The following RAD51B variants were observed in gnomAD, a reference collection of about 807,000 sequenced individuals.
RAD51B encodes RAD51 paralog B, also known as DNA repair protein RAD51 homolog 2.
In RAD51B, 38 loss-of-function variants were observed where a neutral mutation model predicts 42.2. The ratio of observed to expected loss-of-function variants is 0.90; its 90% confidence interval spans 0.70 to 1.18. The LOEUF is 1.18. RAD51B is among the 50% of genes most tolerant of loss of function. RAD51B has a pLI of 0.00. For missense variants in RAD51B, 373 were observed against 400.7 expected (o/e 0.93, Z 0.59); for synonymous variants, 154 against 145.2 (o/e 1.06, Z -0.43).
chr14:68,118,026 A>G (rs1469484939), intron 7 of RAD51B, among the ~76,000 whole-genome samples: 2 of 152,226 alleles, frequency 1.3e-5, no homozygotes, highest in Non-Finnish European at 2.9e-5. Context: ...CCTTTTCACT[A>G]ACCTTTGTTC....
intron 7 of RAD51B, among the ~76,000 whole-genome samples, chr14:68,155,438 C>T (rs181400989): frequency 6.6e-5 from 10 of 152,144 alleles, no homozygotes; most frequent in African/African-American, 1.9e-4. Flanking sequence ...ATGATCCACC[C>T]GCCTCGGCCT....
At chr14:68,076,874 G>A (rs2076841821) in intron 7 of RAD51B, among the ~76,000 whole-genome samples, 1 of 152,072 alleles carries the variant, frequency 6.6e-6, no homozygotes, top group Admixed American at 6.6e-5. Context: ...ATATAGATAG[G>A]CCTTAAAAAA....
At chr14:67,962,894 G>A (rs988636155) in intron 7 of RAD51B, among the ~76,000 whole-genome samples, 4 of 152,078 alleles carry the variant, frequency 2.6e-5, no homozygotes, top group African/African-American at 4.8e-5. Flanking sequence ...AGGGAAATGG[G>A]AATGAGAGAT....
chr14:68,023,195 T>C (rs1307023035), intron 7 of RAD51B, among the ~76,000 whole-genome samples: 1 of 152,210 alleles, frequency 6.6e-6, no homozygotes, highest in Non-Finnish European at 1.5e-5. Context: ...ACTGGGCCAA[T>C]TGACAGCTCT....
At chr14:68,204,786 C>G (rs1283957838) in intron 7 of RAD51B, among the ~76,000 whole-genome samples, 3 of 152,006 alleles carry the variant, frequency 2.0e-5, no homozygotes, top group Non-Finnish European at 2.9e-5. Context: ...TATTTGTGCT[C>G]TTTATAAGAA....
intron 8 of RAD51B, among the ~76,000 whole-genome samples, chr14:68,366,663 A>G (rs187612517): frequency 5.3e-4 from 81 of 152,328 alleles, no homozygotes; most frequent in African/African-American, 1.9e-3. Flanking sequence ...GGTAACCAAA[A>G]ATGTTGAATA....
chr14:68,353,869 T>A (rs1390106874), intron 8 of RAD51B, among the ~76,000 whole-genome samples: 5 of 152,216 alleles, frequency 3.3e-5, no homozygotes, highest in African/African-American at 1.2e-4. Flanking sequence ...TTAGAAGTAT[T>A]CTGAGCAGTT....
In RAD51B at chr14:68,381,284, A is replaced by G. The variant is rs34767995; in HGVS notation, c.854-30140A>G. Among the ~76,000 whole-genome samples the G allele has an allele frequency of 4.3e-3, 660 of 152,232 alleles. 5 individuals are homozygous for G. The highest frequency in any genetic ancestry group is 0.015 in the African/African-American group (640 of 41,536). On this transcript the variant is annotated intron_variant, in intron 8 of 10. Transcript: ENST00000471583. ...TTTACTGGGAAATACTTTTTTACCT[A>G]TTTCTTAGAAGAATTTACTTATGTG...
At chr14:68,601,081 A>C (rs1891197805) in intron 10 of RAD51B, among the ~76,000 whole-genome samples, 1 of 152,192 alleles carries the variant, frequency 6.6e-6, no homozygotes, top group African/African-American at 2.4e-5. Context: ...AAGCTGCTTA[A>C]GTTCCCATGT....
chr14:68,651,065 C>T (rs1414589286), intron 11 of RAD51B, among the ~76,000 whole-genome samples: 1 of 152,206 alleles, frequency 6.6e-6, no homozygotes, highest in Admixed American at 6.5e-5. Flanking sequence ...CTAAGTAGAA[C>T]AGAAATGTGA....
At chr14:68,180,178 CT>C (rs1188453263) in intron 7 of RAD51B, among the ~76,000 whole-genome samples, 1 of 152,200 alleles carries the variant, frequency 6.6e-6, no homozygotes, top group Non-Finnish European at 1.5e-5. Context: ...AATACCCCAA[CT>C]TTGAATGGAT....
chr14:68,174,275 A>G (rs1244776444), intron 7 of RAD51B, among the ~76,000 whole-genome samples: 2 of 151,834 alleles, frequency 1.3e-5, no homozygotes, highest in Non-Finnish European at 2.9e-5. Flanking sequence ...AGTGCCAGCT[A>G]CTCAGGTGGG....
chr14:68,665,621 T>C (rs1476545049), intron 11 of RAD51B, among the ~76,000 whole-genome samples: 1 of 152,210 alleles, frequency 6.6e-6, no homozygotes, highest in Non-Finnish European at 1.5e-5. Flanking sequence ...GCAGTGGTGA[T>C]TATACCAAAC....
At chr14:67,841,318 A>G (rs1323461239) in intron 4 of RAD51B, among the ~76,000 whole-genome samples, 1 of 152,126 alleles carries the variant, frequency 6.6e-6, no homozygotes, top group African/African-American at 2.4e-5. Context: ...TAGAATCTGG[A>G]TATTAGACCT....
In RAD51B at chr14:68,478,022, G is replaced by C; in HGVS notation, c.*358G>C. 1.8e-6 allele frequency: 2 copies of C among 1,092,532 alleles called. No individual in the cohort carries two copies. The highest frequency in any genetic ancestry group is 8.8e-5 in the South Asian group (2 of 22,602). The allele number at this position is 1,092,532 out of a possible 1,614,324, so 67.7% of individuals were successfully genotyped here. ...TTAAAGCCCACAATCCTCCTGGGGAGAGGAGGAGGATGACTAACAAGATTT... is the reference window on the plus strand; with the variant it reads ...TTAAAGCCCACAATCCTCCTGGGGACAGGAGGAGGATGACTAACAAGATTT... On this transcript the variant is annotated 3_prime_UTR_variant, in exon 11 of 11. Coordinates refer to ENST00000471583, the MANE Select transcript of RAD51B (RefSeq NM_133510.4).
At chr14:68,137,116 A>G (rs1453339292) in intron 7 of RAD51B, among the ~76,000 whole-genome samples, 2 of 152,166 alleles carry the variant, frequency 1.3e-5, no homozygotes, top group Non-Finnish European at 2.9e-5. Flanking sequence ...CCTCTACTAA[A>G]AATACAAAAA....
chr14:68,057,500 T>G (rs958414088), intron 7 of RAD51B, among the ~76,000 whole-genome samples: 35 of 152,100 alleles, frequency 2.3e-4, no homozygotes, highest in African/African-American at 7.5e-4. Context: ...GAGGTAGGAT[T>G]TGAAAACAGG....
In RAD51B at chr14:67,896,477, G is replaced by A. The variant is rs947062960; in HGVS notation, c.756+9273G>A. ...TCATCAAGGTGGGAATTTAACATCA[G>A]TGCTCTGTACACATAGTATTACTGT... On this transcript the variant is annotated intron_variant, in intron 7 of 10. Transcript: ENST00000471583. Among the ~76,000 whole-genome samples the A allele has an allele frequency of 2.0e-5, 3 of 152,194 alleles. No homozygotes were observed. In the East Asian group the frequency reaches 5.8e-4, roughly 29 times the overall value.
At chr14:68,531,168 A>G (rs1227062935) in intron 10 of RAD51B, among the ~76,000 whole-genome samples, 2 of 151,986 alleles carry the variant, frequency 1.3e-5, no homozygotes, top group African/African-American at 2.4e-5. Context: ...ACAAAAAAAA[A>G]ATGAAAGAAG....
Sources: allele counts gnomAD v4.1 joint callset (sites outside exome capture counted in the v4.1 genomes callset), GRCh38; gene constraint gnomAD v4.1.1; transcripts MANE v1.5; gene names NCBI Gene and HGNC (gene_info 2026-07-23, HGNC 2026-07-21).